CADM2: variants seen among roughly 807,000 people sequenced by gnomAD.
The protein encoded by CADM2 is immunoglobulin superfamily member 4D.
A neutral mutation model predicts 49.8 loss-of-function variants in CADM2; 12 were observed. The ratio of observed to expected loss-of-function variants is 0.24; its 90% CI spans 0.15 to 0.39. The LOEUF (loss-of-function observed/expected upper bound fraction) is 0.39, where lower values mean the gene tolerates loss of function less well. Among genes scored for constraint, CADM2 ranks in the 10% least tolerant of loss-of-function variants. The pLI is 1.00. For synonymous variants in CADM2, 214 were observed against 175.4 expected, an observed-to-expected ratio of 1.22 and a Z score of -1.74; for missense variants, 378 against 492.3, an observed-to-expected ratio of 0.77 and a Z score of 2.20.
chr3:85,811,162 A>G (rs1194181184), intron 3 of CADM2, among the ~76,000 whole-genome samples: 1 of 152,326 alleles, frequency 6.6e-6, no homozygotes, highest in African/African-American at 2.4e-5. Context: ...CATATTTGAT[A>G]TTATATTTTA....
At chr3:85,939,424 A>G (rs1266294688) in intron 7 of CADM2, among the ~76,000 whole-genome samples, 2 of 151,108 alleles carry the variant, frequency 1.3e-5, no homozygotes, top group African/African-American at 2.4e-5. Context: ...GAATTCCCAG[A>G]CAGCTTTCAG....
intron 1 of CADM2, among the ~76,000 whole-genome samples, chr3:85,191,005 A>G (rs2041194810): frequency 6.6e-6 from 1 of 152,108 alleles, no homozygotes; most frequent in African/African-American, 2.4e-5. Flanking sequence ...TCAGTATTTT[A>G]TTTTAAAAAA....
At chr3:85,083,625 G>A (rs1312363784) in intron 1 of CADM2, among the ~76,000 whole-genome samples, 1 of 152,082 alleles carries the variant, frequency 6.6e-6, no homozygotes, top group African/African-American at 2.4e-5. Flanking sequence ...CCTATTGGTT[G>A]TCTTATGGTA....
At chr3:85,621,956 C>T (rs1319476006) in intron 1 of CADM2, among the ~76,000 whole-genome samples, 10 of 151,982 alleles carry the variant, frequency 6.6e-5, no homozygotes, top group African/African-American at 1.2e-4. Flanking sequence ...TAGGATTTCT[C>T]GAAGGGTTAG....
At chr3:85,919,214 G>A (rs1382986397) in intron 6 of CADM2, among the ~76,000 whole-genome samples, 1 of 151,938 alleles carries the variant, frequency 6.6e-6, no homozygotes, top group African/African-American at 2.4e-5. Flanking sequence ...TATCATTAAT[G>A]TTTGTTTAGT....
intron 1 of CADM2, among the ~76,000 whole-genome samples, chr3:85,236,797 TA>T (rs1330333396): frequency 6.6e-6 from 1 of 152,006 alleles, no homozygotes. Flanking sequence ...AGGGCTCGTA[TA>T]AATGGAAGGG....
intron 1 of CADM2, among the ~76,000 whole-genome samples, chr3:85,278,056 T>C (rs2043403204): frequency 6.6e-6 from 1 of 151,272 alleles, no homozygotes; most frequent in Non-Finnish European, 1.5e-5. Context: ...TATTTTTTTT[T>C]CCTGGGTCTC....
chr3:85,112,886 C>G (rs1045960325), intron 1 of CADM2, among the ~76,000 whole-genome samples: 6 of 151,488 alleles, frequency 4.0e-5, no homozygotes, highest in Non-Finnish European at 5.9e-5. Context: ...ATAATATATA[C>G]ATAATTTTAT....
chr3:85,803,488 GATAGATAGATAA>G (rs1363069351), intron 3 of CADM2, among the ~76,000 whole-genome samples: 2 of 119,770 alleles, frequency 1.7e-5, no homozygotes, highest in Non-Finnish European at 3.5e-5. Flanking sequence ...CAGACAGATA[GATAGATAGATAA>G]ATAGATAGAT....
intron 1 of CADM2, among the ~76,000 whole-genome samples, chr3:85,170,695 C>G (rs915932889): frequency 6.6e-6 from 1 of 152,088 alleles, no homozygotes; most frequent in Non-Finnish European, 1.5e-5. Flanking sequence ...AACTTTGAAG[C>G]TTTTTATATT....
At chr3:86,014,850 A>G (rs1482683137) in intron 8 of CADM2, 5 of 1,516,616 alleles carry the variant, frequency 3.3e-6, no homozygotes, top group South Asian at 1.3e-5. Context: ...GCCTGACATC[A>G]AGTTTTTTCC....
At chr3:85,924,717 A>G (rs191615669) in intron 6 of CADM2, among the ~76,000 whole-genome samples, 2 of 152,196 alleles carry the variant, frequency 1.3e-5, no homozygotes, top group African/African-American at 2.4e-5. Flanking sequence ...TTGTGGCCCA[A>G]CTTTATGATA....
intron 1 of CADM2, among the ~76,000 whole-genome samples, chr3:85,102,318 A>C (rs1042113837): frequency 3.9e-5 from 6 of 152,184 alleles, no homozygotes; most frequent in African/African-American, 1.4e-4. Context: ...TCAAATTTAC[A>C]AATATTGCTG....
At chr3:86,012,732 G>A in intron 8 of CADM2, 2 of 839,732 alleles carry the variant, frequency 2.4e-6, no homozygotes, top group Non-Finnish European at 2.0e-6. Flanking sequence ...ACTCACGCCT[G>A]TAATCCCAGC....
At chr3:85,237,362 C>CA (rs997761686) in intron 1 of CADM2, among the ~76,000 whole-genome samples, 63 of 144,642 alleles carry the variant, frequency 4.4e-4, no homozygotes, top group African/African-American at 9.9e-4. Context: ...CAACTCACCT[C>CA]AAAAAAAAAA....
At chr3:85,849,290 G>A (rs1258409366) in intron 3 of CADM2, among the ~76,000 whole-genome samples, 1 of 152,124 alleles carries the variant, frequency 6.6e-6, no homozygotes, top group African/African-American at 2.4e-5. Context: ...GAACTGTATT[G>A]TTTCAACAAT....
chr3:86,048,874 C>A (rs967353760), intron 8 of CADM2, among the ~76,000 whole-genome samples: 1 of 151,968 alleles, frequency 6.6e-6, no homozygotes, highest in African/African-American at 2.4e-5. Context: ...GATAAGTGAT[C>A]AACAAAGGCA....
At chr3:85,688,638 T>G (rs6805113) in intron 1 of CADM2, among the ~76,000 whole-genome samples, 99,331 of 150,410 alleles carry the variant, frequency 0.66, 33,204 homozygotes, top group African/African-American at 0.69. Flanking sequence ...CATGATCTTA[T>G]CTCACTGCAA....
rs568836871 is a variant in CADM2 at position 85,390,703 on chromosome 3, T to A, written c.62-335819T>A. Among the ~76,000 whole-genome samples, 4 of 152,128 alleles carry A rather than the reference T, an allele frequency of 2.6e-5. No individual in the cohort carries two copies. The East Asian group carries it at 7.7e-4, about 29-fold the overall frequency. On this transcript the variant is annotated intron_variant, in intron 1 of 9. Coordinates refer to ENST00000383699, the MANE Select transcript of CADM2 (RefSeq NM_001167675.2). ...TGAACAAATATAAAATGCATTTCAG[T>A]TCATAGCCAACACATAAATAATCTC...
Sources: allele counts gnomAD v4.1 joint callset (sites outside exome capture counted in the v4.1 genomes callset), GRCh38; gene constraint gnomAD v4.1.1; transcripts MANE v1.5; gene names NCBI Gene and HGNC (gene_info 2026-07-23, HGNC 2026-07-21).